C2orf80: variants seen among roughly 807,000 people sequenced by gnomAD.
The protein encoded by C2orf80 is chromosome 2 open reading frame 80.
A neutral mutation model predicts 30.2 loss-of-function variants in C2orf80; 28 were observed. The ratio of observed to expected loss-of-function variants is 0.93; its 90% confidence interval spans 0.69 to 1.27. The LOEUF is 1.27. Ranked by LOEUF, C2orf80 falls within the 50% of genes most tolerant of loss-of-function variation. C2orf80 has a pLI of 0.00. For synonymous variants in C2orf80, 80 were observed against 76.4 expected (o/e 1.05, Z -0.24); for missense variants, 220 against 231.0 (o/e 0.95, Z 0.31).
chr2:208,171,998 G>T lies in C2orf80; in HGVS notation c.444C>A (p.Ala148=). Residue 148 remains alanine (A), a synonymous_variant, in exon 7 of 9, where the codon GCC becomes GCA. Transcript: ENST00000341287. ...AGTAACCAGGCTTACTCTGTTTGCG[G>T]GCGTATGCTGCTGCTTTGGGTGCTG... is the stretch of plus-strand genomic sequence containing the variant. ...MLTAPKAAAY[A]RKQSVKSRKV... The T allele has an allele frequency of 6.2e-7, 1 of 1,613,654 alleles. No individual in the cohort carries two copies. The highest frequency in any genetic ancestry group is 8.5e-7 in the Non-Finnish European group (1 of 1,179,594).
At chr2:208,182,744 T>A (rs11883992) in intron 4 of C2orf80, among the ~76,000 whole-genome samples, 27,564 of 152,126 alleles carry the variant, frequency 0.18, 2,665 homozygotes, top group African/African-American at 0.24. Flanking sequence ...TTCATCTCAC[T>A]GAAGTCAATT....
intron 7 of C2orf80, among the ~76,000 whole-genome samples, chr2:208,171,421 A>G (rs1188925497): frequency 2.0e-5 from 3 of 151,716 alleles, no homozygotes; most frequent in Non-Finnish European, 4.4e-5. Context: ...CCCAGATTCA[A>G]GCGATTATCT....
At chr2:208,178,693 C>A (rs544784093) in intron 6 of C2orf80, among the ~76,000 whole-genome samples, 2 of 151,956 alleles carry the variant, frequency 1.3e-5, no homozygotes, top group South Asian at 2.1e-4. Flanking sequence ...GTGGGAGGAT[C>A]GCTTGAGCCC....
At chr2:208,171,396 C>T (rs1265348500) in intron 7 of C2orf80, among the ~76,000 whole-genome samples, 1 of 151,980 alleles carries the variant, frequency 6.6e-6, no homozygotes, top group Non-Finnish European at 1.5e-5. Flanking sequence ...TCTCAGCTCA[C>T]TGCAACCTCT....
chr2:208,176,367 G>T (rs569036005), intron 6 of C2orf80, among the ~76,000 whole-genome samples: 1 of 152,258 alleles, frequency 6.6e-6, no homozygotes, highest in African/African-American at 2.4e-5. Flanking sequence ...GTAGAGATGG[G>T]GTTTCACCAT....
rs536076576 is a variant in C2orf80, at chr2:208,176,898, T to C, written c.366+3847A>G. 8.2e-4 allele frequency among the ~76,000 whole-genome samples: 105 copies of C among 127,846 alleles called. 10 individuals carry two copies. Among genetic ancestry groups the C allele is most frequent in the African/African-American group, 3.2e-3 (84 of 26,166 alleles). The allele number at this position is 127,846 out of a possible 152,430, so 83.9% of individuals were successfully genotyped here. A position where few individuals can be genotyped will look rare whatever the true frequency, so the allele number is the denominator to read the frequency against. ...ATATGTATACATAGGTGTATATATATACATATCTGTGTATACATATCTGTA... is the reference window on the plus strand; with the variant it reads ...ATATGTATACATAGGTGTATATATACACATATCTGTGTATACATATCTGTA... On this transcript the variant is annotated intron_variant, in intron 6 of 8. Coordinates refer to ENST00000341287, the MANE Select transcript of C2orf80 (RefSeq NM_001099334.3).
At chr2:208,180,500 G>A (rs917597051) in intron 6 of C2orf80, among the ~76,000 whole-genome samples, 2 of 151,304 alleles carry the variant, frequency 1.3e-5, no homozygotes, top group Non-Finnish European at 2.9e-5. Context: ...CCCAAGCCTG[G>A]TACTCATTGC....
chr2:208,179,047 C>T (rs1177866750), intron 6 of C2orf80, among the ~76,000 whole-genome samples: 3 of 152,208 alleles, frequency 2.0e-5, no homozygotes, highest in Non-Finnish European at 2.9e-5. Context: ...GCATGAACCA[C>T]TGCAAACGGC....
intron 6 of C2orf80, among the ~76,000 whole-genome samples, chr2:208,174,314 T>A (rs1232644792): frequency 6.6e-6 from 1 of 152,140 alleles, no homozygotes; most frequent in Non-Finnish European, 1.5e-5. Flanking sequence ...CCCCTTATCA[T>A]GAAAACATTT....
Position 208,181,250 on chromosome 2 carries a change from T to C in C2orf80, c.262A>G (p.Met88Val). 3 of 1,610,992 alleles carry C rather than the reference T, an allele frequency of 1.9e-6. No homozygotes were observed. The highest frequency in any genetic ancestry group is 8.5e-7 in the Non-Finnish European group (1 of 1,177,282). ...IYPNRREREA[M>V]ILSSYAGILM... The stretch of plus-strand genomic sequence containing the variant: ...ATTCCAGCATAAGATGATAAAATCA[T>C]AGCTTCTCGTTCTCTACGATTTGGA... Residue 88 changes from methionine (M) to valine (V), a missense_variant, in exon 5 of 9, where the codon ATG (methionine) becomes GTG (valine). Met to Val is a conservative substitution (Grantham distance 21). Transcript: ENST00000341287.
intron 2 of C2orf80, 42 bp from the exon 3 acceptor site, chr2:208,185,074 G>T: frequency 6.7e-7 from 1 of 1,493,092 alleles, no homozygotes; most frequent in Non-Finnish European, 9.2e-7. Context: ...GGAGTGACAC[G>T]GGCTCAGTCT....
At chr2:208,189,770 G>T (rs565909928) in intron 1 of C2orf80, 183 bp downstream of exon 1, 7 of 610,976 alleles carry the variant, frequency 1.1e-5, no homozygotes, top group South Asian at 1.9e-5. Flanking sequence ...GGCTTTAGCT[G>T]TTTCATAGAA....
intron 6 of C2orf80, among the ~76,000 whole-genome samples, chr2:208,178,565 G>T (rs1208154107): frequency 3.3e-5 from 5 of 152,070 alleles, no homozygotes; most frequent in Non-Finnish European, 7.4e-5. Context: ...TCAGGCCTGG[G>T]GTGGCTTATA....
chr2:208,173,120 C>CAAAAAA (rs57629811), intron 6 of C2orf80, among the ~76,000 whole-genome samples: 1 of 72,404 alleles, frequency 1.4e-5, no homozygotes, highest in African/African-American at 5.6e-5. Flanking sequence ...AACCTCATCT[C>CAAAAAA]AAAAAAAAAA....
intron 7 of C2orf80, among the ~76,000 whole-genome samples, chr2:208,171,486 A>C (rs1280680964): frequency 6.6e-6 from 1 of 152,004 alleles, no homozygotes; most frequent in Admixed American, 6.6e-5. Context: ...ACACCCAGCT[A>C]ATTTTTGTAT....
chr2:208,176,941 C>CATATGTATACAGATCTGTATACATA (rs1696341194), intron 6 of C2orf80, among the ~76,000 whole-genome samples: 1 of 30,216 alleles, frequency 3.3e-5, no homozygotes, highest in African/African-American at 9.7e-5. Context: ...GTATACATAT[C>CATATGTATACAGATCTGTATACATA]TGTATACATA....
At position 208,180,783 on chromosome 2, in the gene C2orf80, A is replaced by T; in HGVS notation, c.328T>A (p.Tyr110Asn). 6.2e-7 allele frequency: 1 copy of T among 1,613,780 alleles called. No individual in the cohort carries two copies. The change falls in exon 6 of 9, where the codon TAT becomes AAT. Residue 110 changes from tyrosine (Y) to asparagine (N), a missense_variant. Coordinates refer to ENST00000341287, the MANE Select transcript of C2orf80 (RefSeq NM_001099334.3). ...SIPIEEVFKI[Y>N]GADSSADSGT... is the part of the protein sequence containing the mutation. ...GAATCGGCAGAAGAATCAGCCCCAT[A>T]AATTTTAAAGACTTCCTCAATCGGG...
chr2:208,183,452 C>T (rs747533199), intron 3 of C2orf80, among the ~76,000 whole-genome samples: 2 of 152,028 alleles, frequency 1.3e-5, no homozygotes, highest in Non-Finnish European at 2.9e-5. Context: ...CTCAGTTTCC[C>T]TAAATTTTAA....
Position 208,165,785 on chromosome 2 carries a change from T to G in C2orf80, c.*22A>C. ...GCTCCCAGAGAATCTATTATGAAGTTCCATGGTACAATTCCAATTTTCTAA... is the reference window on the plus strand; with the variant it reads ...GCTCCCAGAGAATCTATTATGAAGTGCCATGGTACAATTCCAATTTTCTAA... On this transcript the variant is annotated 3_prime_UTR_variant, in exon 9 of 9. Coordinates refer to ENST00000341287, the MANE Select transcript of C2orf80 (RefSeq NM_001099334.3). The G allele has an allele frequency of 4.3e-6, 7 of 1,612,422 alleles. No homozygotes were observed. The highest frequency in any genetic ancestry group is 5.9e-6 in the Non-Finnish European group (7 of 1,179,598).
Sources: allele counts gnomAD v4.1 joint callset (sites outside exome capture counted in the v4.1 genomes callset), GRCh38; gene constraint gnomAD v4.1.1; transcripts MANE v1.5; gene names NCBI Gene and HGNC (gene_info 2026-07-23, HGNC 2026-07-21).